ACVR1: variants seen among roughly 807,000 people sequenced by gnomAD.
ACVR1 encodes activin A receptor type 1, also known as activin receptor type-1.
In ACVR1, 38 loss-of-function variants were observed where a neutral mutation model predicts 57.1. That is an observed-to-expected ratio of 0.67 (90% CI 0.51 to 0.87). The LOEUF (loss-of-function observed/expected upper bound fraction) is 0.87. ACVR1 is among the 40% of genes least tolerant of loss of function. The probability of loss-of-function intolerance (pLI) is 0.00; values close to 1 mark genes in which losing one functional copy is unlikely to be tolerated. For synonymous variants in ACVR1, 212 were observed against 228.1 expected, an observed-to-expected ratio of 0.93 and a Z score of 0.63; for missense variants, 463 against 638.2, an observed-to-expected ratio of 0.73 and a Z score of 2.96.
chr2:157,858,471 C>CTTTTTA (rs1042930287), intron 1 of ACVR1, among the ~76,000 whole-genome samples: 4 of 152,046 alleles, frequency 2.6e-5, no homozygotes, highest in African/African-American at 9.7e-5. Flanking sequence ...TGTTTTTCTT[C>CTTTTTA]TTTTTATTTT....
At chr2:157,824,365 G>C (rs969458086) in intron 1 of ACVR1, among the ~76,000 whole-genome samples, 1 of 152,172 alleles carries the variant, frequency 6.6e-6, no homozygotes, top group Non-Finnish European at 1.5e-5. Context: ...CTACTCAGGA[G>C]GCTGAGATGG....
chr2:157,867,277 T>C (rs997116212), intron 1 of ACVR1, among the ~76,000 whole-genome samples: 1 of 152,156 alleles, frequency 6.6e-6, no homozygotes, highest in African/African-American at 2.4e-5. Flanking sequence ...AAAACCCTAG[T>C]TCCATCTATT....
At position 157,738,491 on chromosome 2, in the gene ACVR1, G is replaced by A. The variant is rs527887447; in HGVS notation, c.1344C>T (p.Val448=). The stretch of plus-strand genomic sequence containing the variant: ...TGTTTGGCCTTTGTTGATCCACACA[G>A]ACTACCTTCCTCATATCTTCAAAAC... ...DPSFEDMRKV[V]CVDQQRPNIP... Residue 448 remains valine (V), a synonymous_variant, in exon 10 of 11, where the codon GTC becomes GTT. Coordinates refer to ENST00000434821, the MANE Select transcript of ACVR1 (RefSeq NM_001111067.4). The A allele has an allele frequency of 6.2e-7, 1 of 1,614,132 alleles. No individual in the cohort carries two copies. The highest frequency in any genetic ancestry group is 2.2e-5 in the East Asian group (1 of 44,880).
intron 3 of ACVR1, among the ~76,000 whole-genome samples, chr2:157,787,299 TTTTAACTCC>T (rs1298205267): frequency 6.6e-6 from 1 of 152,202 alleles, no homozygotes; most frequent in African/African-American, 2.4e-5. Context: ...TAAGGAGTTG[TTTTAACTCC>T]TTAATACGGG....
At chr2:157,786,471 T>C (rs2105289130) in intron 3 of ACVR1, among the ~76,000 whole-genome samples, 1 of 152,262 alleles carries the variant, frequency 6.6e-6, no homozygotes, top group South Asian at 2.1e-4. Flanking sequence ...TCAGCACAGA[T>C]CTTAAGGCAG....
At chr2:157,743,407 G>C (rs1367906193) in intron 9 of ACVR1, among the ~76,000 whole-genome samples, 1 of 151,950 alleles carries the variant, frequency 6.6e-6, no homozygotes, top group African/African-American at 2.4e-5. Context: ...ACAAGAATGT[G>C]AGCACCTTTA....
intron 1 of ACVR1, among the ~76,000 whole-genome samples, chr2:157,842,192 G>T (rs1689005361): frequency 6.6e-6 from 1 of 152,120 alleles, no homozygotes; most frequent in South Asian, 2.1e-4. Context: ...CCTTGGAAAA[G>T]GTCTTTATAC....
intron 2 of ACVR1, among the ~76,000 whole-genome samples, chr2:157,803,894 A>G (rs1033793057): frequency 2.0e-5 from 3 of 150,640 alleles, no homozygotes; most frequent in Admixed American, 2.0e-4. Context: ...TAAAATAACA[A>G]TAACATACTA....
At chr2:157,854,375 T>C (rs537522167) in intron 1 of ACVR1, among the ~76,000 whole-genome samples, 72 of 152,206 alleles carry the variant, frequency 4.7e-4, no homozygotes, top group African/African-American at 1.7e-3. Flanking sequence ...AGAACAGAGA[T>C]AGAGGAAGAC....
At chr2:157,875,209 T>C (rs1351907453) in intron 1 of ACVR1, 2 of 152,238 alleles carry the variant, frequency 1.3e-5, no homozygotes, top group African/African-American at 2.4e-5. Context: ...GTAACCACAT[T>C]TGCCTTCTGG....
chr2:157,851,761 G>C (rs550917385), intron 1 of ACVR1, among the ~76,000 whole-genome samples: 2 of 152,114 alleles, frequency 1.3e-5, no homozygotes, highest in African/African-American at 4.8e-5. Flanking sequence ...GTAAAATGCA[G>C]AGCAACTGCA....
intron 9 of ACVR1, among the ~76,000 whole-genome samples, chr2:157,744,854 C>A (rs558243688): frequency 6.6e-6 from 1 of 152,208 alleles, no homozygotes; most frequent in Non-Finnish European, 1.5e-5. Flanking sequence ...CCGCTTGGCC[C>A]GGCCACACTG....
chr2:157,857,090 C>G (rs951693983), intron 1 of ACVR1, among the ~76,000 whole-genome samples: 1 of 151,954 alleles, frequency 6.6e-6, no homozygotes. Flanking sequence ...CTCAGCTATT[C>G]AGGAGGCTGA....
rs915431700 is a variant in ACVR1 at position 157,744,309 on chromosome 2, G to C, written c.1265-5739C>G. ...ATTAGAAGTAAAGCTATTTTAGAGA[G>C]GGAAAAAAAGAAAATGGCCCATATT... On this transcript the variant is annotated intron_variant, in intron 9 of 10. Coordinates refer to ENST00000434821, the MANE Select transcript of ACVR1 (RefSeq NM_001111067.4). Among the ~76,000 whole-genome samples the C allele has an allele frequency of 3.9e-5, 6 of 152,182 alleles. No homozygotes were observed. In the East Asian group the frequency reaches 7.7e-4, roughly 20 times the overall value.
chr2:157,757,975 C>A (rs1685501356), intron 9 of ACVR1, among the ~76,000 whole-genome samples: 1 of 151,740 alleles, frequency 6.6e-6, no homozygotes, highest in African/African-American at 2.4e-5. Context: ...TAAGTCCTCA[C>A]CTATAAATAA....
chr2:157,861,725 G>A (rs1053343081), intron 1 of ACVR1, among the ~76,000 whole-genome samples: 26 of 152,186 alleles, frequency 1.7e-4, no homozygotes, highest in African/African-American at 6.3e-4. Context: ...CAGGTTTAAT[G>A]TAGTCACAGC....
At chr2:157,746,600 C>G (rs900651965) in intron 9 of ACVR1, among the ~76,000 whole-genome samples, 15 of 152,226 alleles carry the variant, frequency 9.9e-5, no homozygotes, top group Admixed American at 3.3e-4. Context: ...TTCAAAAACT[C>G]TCGTGTGTAT....
intron 1 of ACVR1, among the ~76,000 whole-genome samples, chr2:157,856,794 C>T (rs553544792): frequency 4.0e-4 from 61 of 152,274 alleles, no homozygotes; most frequent in African/African-American, 1.4e-3. Context: ...ATTTACAAAA[C>T]ATGCCAAGCA....
chr2:157,823,269 CAGG>C (rs974074654), intron 1 of ACVR1, among the ~76,000 whole-genome samples: 2 of 152,180 alleles, frequency 1.3e-5, no homozygotes, highest in African/African-American at 4.8e-5. Context: ...ACAATTCTCA[CAGG>C]AGGATTATAA....
Sources: allele counts gnomAD v4.1 joint callset (sites outside exome capture counted in the v4.1 genomes callset), GRCh38; gene constraint gnomAD v4.1.1; transcripts MANE v1.5; gene names NCBI Gene and HGNC (gene_info 2026-07-23, HGNC 2026-07-21).